RPS6KC1: variants seen among roughly 807,000 people sequenced by gnomAD.
The protein encoded by RPS6KC1 is ribosomal protein S6 kinase C1.
Under a neutral mutation model 103.8 loss-of-function variants are expected in RPS6KC1, and 54 were observed. The observed-to-expected ratio is 0.52, with a 90% CI of 0.42 to 0.65. RPS6KC1 has a LOEUF of 0.65. RPS6KC1 is among the 30% of genes least tolerant of loss of function. The pLI, the probability that RPS6KC1 is intolerant of heterozygous loss-of-function variation, is 0.00. For missense variants in RPS6KC1, 1,151 were observed against 1,253.8 expected (o/e 0.92, Z 1.24); for synonymous variants, 439 against 438.7 (o/e 1.00, Z -0.01).
At chr1:213,203,744 C>T (rs2093249693) in intron 8 of RPS6KC1, among the ~76,000 whole-genome samples, 1 of 152,152 alleles carries the variant, frequency 6.6e-6, no homozygotes, top group Non-Finnish European at 1.5e-5. Context: ...ATTATTTTTA[C>T]ATTTTGATTT....
the RPS6KC1 span, among the ~76,000 whole-genome samples, chr1:213,854,745 G>C: frequency 6.6e-5 from 10 of 152,210 alleles, no homozygotes; most frequent in African/African-American, 1.4e-4. Flanking sequence ...GGACCACTTG[G>C]GGGTAACTCC....
chr1:213,552,903 C>G, the RPS6KC1 span, among the ~76,000 whole-genome samples: 4 of 152,208 alleles, frequency 2.6e-5, no homozygotes, highest in Non-Finnish European at 5.9e-5. Context: ...TCAAGCACTA[C>G]TGATCCACTG....
chr1:213,397,367 A>G, the RPS6KC1 span, among the ~76,000 whole-genome samples: 1 of 151,832 alleles, frequency 6.6e-6, no homozygotes, highest in Admixed American at 6.6e-5. Context: ...TCTTGGCACC[A>G]CTCAGCCCCC....
intron 8 of RPS6KC1, among the ~76,000 whole-genome samples, chr1:213,219,789 A>T (rs895252650): frequency 1.4e-5 from 2 of 147,414 alleles, no homozygotes; most frequent in African/African-American, 5.0e-5. Context: ...GTTCTCATTC[A>T]TAGGTCGAAT....
chr1:213,577,233 C>T, the RPS6KC1 span, among the ~76,000 whole-genome samples: 2 of 152,234 alleles, frequency 1.3e-5, no homozygotes, highest in South Asian at 2.1e-4. Flanking sequence ...CACATGCTCT[C>T]TTGCCCACTG....
At chr1:213,356,991 G>A in the RPS6KC1 span, among the ~76,000 whole-genome samples, 1 of 152,164 alleles carries the variant, frequency 6.6e-6, no homozygotes, top group East Asian at 1.9e-4. Context: ...TGGTCACCAG[G>A]GCTGCTGTGG....
chr1:213,109,701 T>G (rs2082833007), intron 4 of RPS6KC1, among the ~76,000 whole-genome samples: 1 of 152,212 alleles, frequency 6.6e-6, no homozygotes, highest in African/African-American at 2.4e-5. Flanking sequence ...TGTGTGTTGG[T>G]GCATATTTGG....
chr1:213,180,118 G>A (rs902040843), intron 8 of RPS6KC1, among the ~76,000 whole-genome samples: 7 of 152,048 alleles, frequency 4.6e-5, no homozygotes, highest in Admixed American at 2.0e-4. Context: ...TGCAAAAATT[G>A]TATATGAAGA....
chr1:213,812,971 G>A, the RPS6KC1 span, among the ~76,000 whole-genome samples: 7 of 152,070 alleles, frequency 4.6e-5, no homozygotes, highest in Middle Eastern at 3.2e-3. Flanking sequence ...TAAAGATGTC[G>A]GCCGGGCACG....
At chr1:213,063,789 A>G (rs1371377660) in intron 1 of RPS6KC1, among the ~76,000 whole-genome samples, 2 of 152,226 alleles carry the variant, frequency 1.3e-5, no homozygotes, top group Non-Finnish European at 2.9e-5. Context: ...CTTCTTAAAA[A>G]GAGGTAAATT....
At chr1:213,565,908 G>A in the RPS6KC1 span, among the ~76,000 whole-genome samples, 11 of 148,034 alleles carry the variant, frequency 7.4e-5, 1 homozygote, top group African/African-American at 2.8e-4. Context: ...GTGGTGAGCC[G>A]AGATCATGCC....
chr1:213,308,590 T>C, the RPS6KC1 span, among the ~76,000 whole-genome samples: 2 of 152,166 alleles, frequency 1.3e-5, no homozygotes, highest in Non-Finnish European at 2.9e-5. Context: ...TCAGACCAAT[T>C]ATGGGAAACT....
chr1:213,375,294 TAC>T, the RPS6KC1 span, among the ~76,000 whole-genome samples: 10 of 151,534 alleles, frequency 6.6e-5, no homozygotes, highest in South Asian at 4.2e-4. Flanking sequence ...CACACATACA[TAC>T]ACACATACAC....
chr1:213,247,022 T>C (rs986082352), intron 12 of RPS6KC1, among the ~76,000 whole-genome samples: 1 of 152,224 alleles, frequency 6.6e-6, no homozygotes, highest in African/African-American at 2.4e-5. Flanking sequence ...CAAGTTGATA[T>C]GGTATCCTAT....
At chr1:213,757,068 A>G in the RPS6KC1 span, among the ~76,000 whole-genome samples, 1 of 152,162 alleles carries the variant, frequency 6.6e-6, no homozygotes, top group African/African-American at 2.4e-5. Context: ...TGGTTGTTCC[A>G]CCATCTCTCT....
At chr1:213,078,367 GT>G (rs947097624) in intron 3 of RPS6KC1, among the ~76,000 whole-genome samples, 1 of 150,962 alleles carries the variant, frequency 6.6e-6, no homozygotes, top group Admixed American at 6.6e-5. Flanking sequence ...GAATATTCAT[GT>G]TTTTTTTCTA....
chr1:213,130,233 A>C (rs1313244821), intron 6 of RPS6KC1, among the ~76,000 whole-genome samples: 1 of 152,168 alleles, frequency 6.6e-6, no homozygotes, highest in East Asian at 1.9e-4. Context: ...AGTAATTCAC[A>C]GAGATTCTTG....
At chr1:213,780,378 A>T in the RPS6KC1 span, among the ~76,000 whole-genome samples, 1 of 152,174 alleles carries the variant, frequency 6.6e-6, no homozygotes, top group East Asian at 1.9e-4. Context: ...TAGACAGCAC[A>T]AGGTGGGGAC....
the RPS6KC1 span, among the ~76,000 whole-genome samples, chr1:213,321,471 A>G: frequency 6.6e-6 from 1 of 152,200 alleles, no homozygotes; most frequent in Non-Finnish European, 1.5e-5. Flanking sequence ...GCATGATTGT[A>G]GTTCTTATTA....
Sources: gnomAD v4.1 joint callset for allele counts (sites outside exome capture counted in the v4.1 genomes callset) on GRCh38, gnomAD v4.1.1 for gene constraint, MANE v1.5 for transcripts, NCBI Gene and HGNC (gene_info 2026-07-23, HGNC 2026-07-21) for gene names.